The following KCNG1 variants were observed in gnomAD, a reference collection of about 807,000 sequenced individuals.
KCNG1 encodes the protein potassium voltage-gated channel modifier subfamily G member 1.
In KCNG1, 17 loss-of-function variants were observed where a neutral mutation model predicts 32.4. The observed-to-expected ratio is 0.52, with a 90% CI of 0.36 to 0.79. The LOEUF (loss-of-function observed/expected upper bound fraction) is 0.79. Ranked by LOEUF, KCNG1 falls within the 30% of genes least tolerant of loss-of-function variation. The pLI is 0.00. For synonymous variants in KCNG1, 358 were observed against 339.9 expected (o/e 1.05, Z -0.59); for missense variants, 441 against 735.2 (o/e 0.60, Z 4.63).
intron 1 of KCNG1, among the ~76,000 whole-genome samples, chr20:51,017,451 G>T (rs1035988196): frequency 6.6e-6 from 1 of 152,222 alleles, no homozygotes; most frequent in Non-Finnish European, 1.5e-5. Context: ...AGAAGCGCGG[G>T]GATTGGAACA....
At chr20:51,014,362 G>A (rs1472977868) in intron 1 of KCNG1, among the ~76,000 whole-genome samples, 1 of 152,106 alleles carries the variant, frequency 6.6e-6, no homozygotes, top group East Asian at 1.9e-4. Flanking sequence ...AAATAATACT[G>A]CTTTTCACGC....
At position 51,010,382 on chromosome 20, in the gene KCNG1, G is replaced by C. The variant is rs937220842; in HGVS notation, c.-26-18C>G. On this transcript the variant is annotated intron_variant, in intron 1 of 2. Transcript: ENST00000371571. Reference sequence around the variant, plus strand: ...TCTCGGGCCTGTGGGGAGAAGGGAGGGAAGACCCTCAGTGACCACCCCTAG... The same window carrying C: ...TCTCGGGCCTGTGGGGAGAAGGGAGCGAAGACCCTCAGTGACCACCCCTAG... The C allele has an allele frequency of 1.4e-6, 2 of 1,479,374 alleles. No homozygotes were observed. The highest frequency in any genetic ancestry group is 2.3e-5 in the East Asian group (1 of 43,692). 91.6% of individuals were successfully genotyped at this position (1,479,374 alleles called of 1,614,324 possible). A position where few individuals can be genotyped will look rare whatever the true frequency, so the allele number is the denominator to read the frequency against.
chr20:51,010,296 C>T lies in KCNG1; in HGVS notation c.43G>A (p.Ala15Thr). The T allele has an allele frequency of 6.6e-7, 1 of 1,511,988 alleles. No individual in the cohort carries two copies. Among genetic ancestry groups the T allele is most frequent in the Non-Finnish European group, 8.8e-7 (1 of 1,140,112 alleles). 93.7% of individuals were successfully genotyped at this position (1,511,988 alleles called of 1,614,324 possible). ...GAGGCGTCCGAGGTGCAGCTCAGCG[C>T]GCTGTAGTCGTAGTCAGAATTGTCT... ...PGDNSDYDYS[A>T]LSCTSDASFH... Residue 15 changes from alanine to threonine, a missense_variant, in exon 2 of 3, where the codon GCG (alanine) becomes ACG (threonine). Physicochemically the swap from Ala to Thr is moderately conservative, Grantham distance 58 (BLOSUM62 0). This residue lies in a region of KCNG1 where 85 missense variants were observed against 98.2 expected (regional missense o/e 0.87). Coordinates refer to ENST00000371571, the MANE Select transcript of KCNG1 (RefSeq NM_002237.4).
At position 51,010,165 on chromosome 20, in the gene KCNG1, G is replaced by A. The variant is rs1431855834; in HGVS notation, c.174C>T (p.Pro58=). 6.2e-7 allele frequency: 1 copy of A among 1,608,706 alleles called. No individual in the cohort carries two copies. The highest frequency in any genetic ancestry group is 8.5e-7 in the Non-Finnish European group (1 of 1,177,602). ...TGATGATCCGACGGCGGCGGTCCTC[G>A]GGCTGACAGCCCTGGCGGGGCTCAT... ...PQDEPRQGCQ[P]EDRRRRIIIN... Residue 58 remains proline, a synonymous_variant, in exon 2 of 3, where the codon CCC becomes CCT. Transcript: ENST00000371571.
chr20:51,003,976 C>T lies in KCNG1; in HGVS notation c.*63G>A. The T allele has an allele frequency of 6.4e-7, 1 of 1,562,226 alleles. No individual in the cohort carries two copies. Among genetic ancestry groups the T allele is most frequent in the Non-Finnish European group, 8.7e-7 (1 of 1,150,530 alleles). ...AAGCGGCCTGTCCCTCTCCAGGCGT[C>T]TGCAGTGGATGGCAATGGCTTCGGG... On this transcript the variant is annotated 3_prime_UTR_variant, in exon 3 of 3. Transcript: ENST00000371571.
intron 1 of KCNG1, among the ~76,000 whole-genome samples, chr20:51,010,890 A>C (rs1178191990): frequency 6.8e-6 from 1 of 147,098 alleles, no homozygotes; most frequent in Non-Finnish European, 1.5e-5. Flanking sequence ...GCAAGACTCC[A>C]TCTCAAAAAA....
Position 51,004,828 on chromosome 20 carries a change from G to A in KCNG1, c.775-22C>T, listed in dbSNP as rs1987763995. ...GGCCCTGGGAGAGAGGGGAAGGGAC[G>A]CCGGAGGGGTCAGCGGGCCCTCCAG... On this transcript the variant is annotated intron_variant, in intron 2 of 2. Transcript: ENST00000371571. This position sits in a 1 kb window ranked among gnomAD's most constrained non-coding sequence, Gnocchi z 4.3. The A allele has an allele frequency of 2.0e-6, 3 of 1,522,340 alleles. No homozygotes were observed. The highest frequency in any genetic ancestry group is 2.0e-5 in the Admixed American group (1 of 49,366). 94.3% of individuals were successfully genotyped at this position (1,522,340 alleles called of 1,614,324 possible).
Position 51,008,809 on chromosome 20 carries a change from C to T in KCNG1, c.774+756G>A, listed in dbSNP as rs557401122. 7.4e-4 allele frequency among the ~76,000 whole-genome samples: 112 copies of T among 152,294 alleles called. 1 individual carries two copies. The highest frequency in any genetic ancestry group is 2.7e-3 in the African/African-American group (111 of 41,562). Reference sequence around the variant, plus strand: ...GCCACGTGGACACCATATTTCCATGCTTACAAAGACAGACTGGACTTAGAC... The same window carrying T: ...GCCACGTGGACACCATATTTCCATGTTTACAAAGACAGACTGGACTTAGAC... On this transcript the variant is annotated intron_variant, in intron 2 of 2. Transcript: ENST00000371571.
At chr20:51,019,925 C>G (rs1601109579) in intron 1 of KCNG1, among the ~76,000 whole-genome samples, 1 of 152,202 alleles carries the variant, frequency 6.6e-6, no homozygotes, top group African/African-American at 2.4e-5. Context: ...TTTCCAAGAG[C>G]TGCTGTGCCC....
chr20:51,022,147 T>C (rs961438123), intron 1 of KCNG1, among the ~76,000 whole-genome samples: 11 of 152,224 alleles, frequency 7.2e-5, no homozygotes, highest in Middle Eastern at 3.2e-3. Context: ...GTTTGTGAAC[T>C]GGATGAATGA....
chr20:51,010,673 T>A (rs953933905), intron 1 of KCNG1, among the ~76,000 whole-genome samples: 2 of 152,106 alleles, frequency 1.3e-5, no homozygotes, highest in African/African-American at 4.8e-5. Flanking sequence ...GGCGGGTGGA[T>A]CACCTGAGGT....
At chr20:51,018,555 G>A (rs542577627) in intron 1 of KCNG1, among the ~76,000 whole-genome samples, 39 of 152,286 alleles carry the variant, frequency 2.6e-4, no homozygotes, top group Non-Finnish European at 4.6e-4. Context: ...GAGTGGCAGC[G>A]GGGAATGCAG....
intron 1 of KCNG1, among the ~76,000 whole-genome samples, chr20:51,019,845 T>A (rs1043901713): frequency 6.6e-6 from 1 of 152,214 alleles, no homozygotes; most frequent in Admixed American, 6.5e-5. Flanking sequence ...CAGGCTGCAT[T>A]AATCCCCAAT....
At chr20:51,008,642 G>GT (rs1987933852) in intron 2 of KCNG1, among the ~76,000 whole-genome samples, 1 of 56,084 alleles carries the variant, frequency 1.8e-5, no homozygotes, top group African/African-American at 4.4e-5. Flanking sequence ...CTGATCTTAT[G>GT]ATTTTTTTTA....
In KCNG1 at chr20:51,011,229, GC is replaced by G. The variant is rs1298398746; in HGVS notation, c.-26-866del. ...TATCCATCTATGCACTGGGGATGCA[GC>G]CGTGTGCAGAATGTGAAGGGGTCTC... On this transcript the variant is annotated intron_variant, in intron 1 of 2. Transcript: ENST00000371571. 2.5e-4 allele frequency among the ~76,000 whole-genome samples: 38 copies of G among 152,238 alleles called. 1 individual carries two copies. The highest frequency in any genetic ancestry group is 2.4e-3 in the Admixed American group (36 of 15,286).
chr20:51,021,507 G>T (rs1988483386), intron 1 of KCNG1, among the ~76,000 whole-genome samples: 1 of 152,136 alleles, frequency 6.6e-6, no homozygotes, highest in African/African-American at 2.4e-5. Context: ...TGCCATCATG[G>T]GTATGGGGGT....
rs1987809439 is a variant in KCNG1 at position 51,005,935 on chromosome 20, C to G, written c.775-1129G>C. On this transcript the variant is annotated intron_variant, in intron 2 of 2. Transcript: ENST00000371571. The surrounding 1 kb of genome is among the most constrained non-coding windows in gnomAD (Gnocchi z 4.0). ...GGTGGGGCTTTAAGGTCTTAGACCT[C>G]TGGGATGGGAAGCCCCTTCCTCTGG... is the stretch of plus-strand genomic sequence containing the variant. 1 of 152,206 alleles carries G rather than the reference C, an allele frequency of 6.6e-6. No individual in the cohort carries two copies. The highest frequency in any genetic ancestry group is 2.4e-5 in the African/African-American group (1 of 41,426). The allele number at this position is 152,206 out of a possible 1,614,324, so 9.4% of individuals were successfully genotyped here.
intron 1 of KCNG1, among the ~76,000 whole-genome samples, chr20:51,014,805 C>A (rs1284744575): frequency 9.2e-5 from 14 of 152,058 alleles, no homozygotes; most frequent in Non-Finnish European, 2.9e-5. Context: ...GCAACATTGG[C>A]TGGAGGGGTG....
At chr20:51,014,117 T>C (rs560559812) in intron 1 of KCNG1, 5 of 152,330 alleles carry the variant, frequency 3.3e-5, no homozygotes, top group African/African-American at 1.2e-4. Context: ...AGGGTGAGTA[T>C]GGAGAGGCTG....
Sources: gnomAD v4.1 joint callset for allele counts (sites outside exome capture counted in the v4.1 genomes callset) on GRCh38, gnomAD v4.1.1 for gene constraint, gnomAD v4.1.1 regional missense constraint, Gnocchi (gnomAD v3.1) non-coding constraint, MANE v1.5 for transcripts, NCBI Gene and HGNC (gene_info 2026-07-23, HGNC 2026-07-21) for gene names.